UEVLD: variants seen among roughly 807,000 people sequenced by gnomAD.
UEVLD encodes ubiquitin-conjugating enzyme E2 variant 3.
UEVLD carries 47 observed loss-of-function variants against 58.6 expected under a neutral mutation model. The ratio of observed to expected loss-of-function variants is 0.80; its 90% CI spans 0.63 to 1.02. The LOEUF (loss-of-function observed/expected upper bound fraction) is 1.02. UEVLD is among the 50% of genes least tolerant of loss of function. The pLI is 0.00. For synonymous variants in UEVLD, 197 were observed against 195.3 expected, an observed-to-expected ratio of 1.01 and a Z score of -0.07; for missense variants, 510 against 550.6, an observed-to-expected ratio of 0.93 and a Z score of 0.74.
intron 6 of UEVLD, among the ~76,000 whole-genome samples, chr11:18,560,058 C>G (rs1310243321): frequency 7.0e-6 from 1 of 143,056 alleles, no homozygotes; most frequent in Non-Finnish European, 1.5e-5. Flanking sequence ...GAGTTTCAGA[C>G]CAGCCTGGGC....
At chr11:18,544,273 C>T (rs142220758) in intron 9 of UEVLD, among the ~76,000 whole-genome samples, 90 of 152,242 alleles carry the variant, frequency 5.9e-4, no homozygotes, top group African/African-American at 2.0e-3. Flanking sequence ...TATGTGAATG[C>T]CATGACCACT....
intron 3 of UEVLD, among the ~76,000 whole-genome samples, chr11:18,573,338 TC>T (rs1359684403): frequency 6.6e-5 from 10 of 152,218 alleles, no homozygotes; most frequent in African/African-American, 1.7e-4. Context: ...CCTTTATCTC[TC>T]AGAATGAATC....
intron 2 of UEVLD, among the ~76,000 whole-genome samples, chr11:18,576,266 T>C (rs919630213): frequency 2.0e-5 from 3 of 152,182 alleles, no homozygotes; most frequent in African/African-American, 7.2e-5. Context: ...AAAATTATGG[T>C]TTATGGCCGG....
intron 7 of UEVLD, among the ~76,000 whole-genome samples, chr11:18,557,208 A>G (rs1001231108): frequency 1.3e-5 from 2 of 151,210 alleles, no homozygotes; most frequent in Non-Finnish European, 2.9e-5. Context: ...GCTGGAGTGC[A>G]GTGGCGCATC....
In UEVLD at chr11:18,536,212, C is replaced by T. The variant is rs546397946; in HGVS notation, c.1124+194G>A. Among the ~76,000 whole-genome samples the T allele has an allele frequency of 3.3e-5, 5 of 152,292 alleles. 1 individual carries two copies. Among genetic ancestry groups the T allele is most frequent in the African/African-American group, 1.2e-4 (5 of 41,566 alleles). ...ATGTCAACTGTGTTATCTGAAAAAG[C>T]TTGCAAAGCACTCTTAGATCTACCT... On this transcript the variant is annotated intron_variant, in intron 10 of 11. Coordinates refer to ENST00000396197, the MANE Select transcript of UEVLD (RefSeq NM_001040697.4).
intron 7 of UEVLD, among the ~76,000 whole-genome samples, chr11:18,557,318 A>AT (rs1338513171): frequency 6.6e-6 from 1 of 150,954 alleles, no homozygotes; most frequent in Non-Finnish European, 1.5e-5. Context: ...TGCCCGGCTA[A>AT]TTTTTTTGTA....
intron 9 of UEVLD, among the ~76,000 whole-genome samples, 157 bp downstream of exon 9, chr11:18,544,466 C>T (rs1851201411): frequency 6.8e-6 from 1 of 147,452 alleles, no homozygotes; most frequent in Non-Finnish European, 1.5e-5. Context: ...CACTACCGTG[C>T]CTGGCTAATT....
At chr11:18,572,170 C>T (rs564765409) in intron 3 of UEVLD, among the ~76,000 whole-genome samples, 3 of 151,796 alleles carry the variant, frequency 2.0e-5, no homozygotes, top group African/African-American at 4.8e-5. Flanking sequence ...TGGGAGGCGG[C>T]GTTTGCAGTG....
intron 11 of UEVLD, among the ~76,000 whole-genome samples, chr11:18,533,557 C>T (rs923573532): frequency 6.6e-6 from 1 of 151,236 alleles, no homozygotes; most frequent in Admixed American, 6.6e-5. Flanking sequence ...GTCTTTCTGG[C>T]ACATAAATCT....
rs112349080 is a variant in UEVLD at position 18,561,714 on chromosome 11, T to C, written c.612+3178A>G. The stretch of plus-strand genomic sequence containing the variant: ...AAAATTACCCAGGTGTGGTGACGGG[T>C]GCCTGTAATCTTAGGCTAAGGAAGG... On this transcript the variant is annotated intron_variant, in intron 6 of 11. Coordinates refer to ENST00000396197, the MANE Select transcript of UEVLD (RefSeq NM_001040697.4). Among the ~76,000 whole-genome samples, 1,117 of 151,726 alleles carry C rather than the reference T, an allele frequency of 7.4e-3. 13 individuals are homozygous for C. Among genetic ancestry groups the C allele is most frequent in the African/African-American group, 0.026 (1,066 of 41,340 alleles).
chr11:18,534,295 TTAAAA>T, intron 11 of UEVLD, 30 bp downstream of exon 11: 2 of 1,418,516 alleles, frequency 1.4e-6, no homozygotes, highest in Non-Finnish European at 1.9e-6. Context: ...ATATCTAAGT[TTAAAA>T]TATAATAAGA....
intron 9 of UEVLD, among the ~76,000 whole-genome samples, chr11:18,539,510 T>C (rs1850968255): frequency 6.6e-6 from 1 of 152,212 alleles, no homozygotes; most frequent in Admixed American, 6.5e-5. Flanking sequence ...ATTTGTTACA[T>C]TGGGCGGGAT....
chr11:18,543,945 G>A (rs1851172329), intron 9 of UEVLD, among the ~76,000 whole-genome samples: 1 of 152,176 alleles, frequency 6.6e-6, no homozygotes, highest in South Asian at 2.1e-4. Context: ...CTAGGGAGAA[G>A]GTCTGAACTT....
At chr11:18,559,625 T>A (rs952797299) in intron 6 of UEVLD, among the ~76,000 whole-genome samples, 4 of 152,170 alleles carry the variant, frequency 2.6e-5, no homozygotes, top group African/African-American at 9.7e-5. Flanking sequence ...TGCTTTTGGG[T>A]CTATTTGTGT....
chr11:18,577,360 C>G (rs1852971373), intron 2 of UEVLD, among the ~76,000 whole-genome samples: 1 of 152,326 alleles, frequency 6.6e-6, no homozygotes, highest in African/African-American at 2.4e-5. Context: ...CAATAATTAC[C>G]TTCTTTGGTT....
intron 4 of UEVLD, 68 bp downstream of exon 4, chr11:18,570,146 A>G: frequency 7.0e-7 from 1 of 1,425,652 alleles, no homozygotes; most frequent in Admixed American, 2.3e-5. Context: ...TATTTGTACC[A>G]GCAGAATCAA....
chr11:18,568,591 T>C (rs1358883741), intron 4 of UEVLD, among the ~76,000 whole-genome samples: 1 of 152,212 alleles, frequency 6.6e-6, no homozygotes, highest in African/African-American at 2.4e-5. Flanking sequence ...TAACTGGCAA[T>C]CTTATTTAAA....
chr11:18,532,781 G>C (rs527797012), intron 11 of UEVLD, among the ~76,000 whole-genome samples: 4 of 152,220 alleles, frequency 2.6e-5, no homozygotes, highest in African/African-American at 9.6e-5. Context: ...GTAGGAGGTT[G>C]GGGGCTAAGA....
rs1208329203 is a variant in UEVLD, at chr11:18,531,451, C to T, written c.*869G>A. On this transcript the variant is annotated 3_prime_UTR_variant, in exon 12 of 12. Coordinates refer to ENST00000396197, the MANE Select transcript of UEVLD (RefSeq NM_001040697.4). ...GTGTGTGTACTCTGAACTGTATCAT[C>T]AGGAGAGGTTAAAGGATTTGCTCAG... 1 of 152,166 alleles carries T rather than the reference C, an allele frequency of 6.6e-6. No homozygotes were observed. The highest frequency in any genetic ancestry group is 1.5e-5 in the Non-Finnish European group (1 of 68,026). The allele number at this position is 152,166 out of a possible 1,614,324, so 9.4% of individuals were successfully genotyped here. A position where few individuals can be genotyped will look rare whatever the true frequency, so the allele number is the denominator to read the frequency against.
Sources: allele counts gnomAD v4.1 joint callset (sites outside exome capture counted in the v4.1 genomes callset), GRCh38; gene constraint gnomAD v4.1.1; transcripts MANE v1.5; gene names NCBI Gene and HGNC (gene_info 2026-07-23, HGNC 2026-07-21).